Variants in ERMP1 observed in about 807,000 individuals in gnomAD.
ERMP1 encodes Felix-ina.
Under a neutral mutation model 92.0 loss-of-function variants are expected in ERMP1, and 86 were observed. The ratio of observed to expected loss-of-function variants is 0.93; its 90% CI spans 0.79 to 1.12. The LOEUF is 1.12. Ranked by LOEUF, ERMP1 falls within the 50% of genes most tolerant of loss-of-function variation. The pLI, the probability that ERMP1 is intolerant of heterozygous loss-of-function variation, is 0.00. For synonymous variants in ERMP1, 530 were observed against 412.8 expected (o/e 1.28, Z -3.44); for missense variants, 1,342 against 1,116.3 (o/e 1.20, Z -2.88).
chr9:5,860,888 G>A (rs1830465934), intron 5 of ERMP1, among the ~76,000 whole-genome samples: 1 of 152,064 alleles, frequency 6.6e-6, no homozygotes, highest in Non-Finnish European at 1.5e-5. Flanking sequence ...CCCTATAAAA[G>A]GGTCATTTCA....
intron 1 of ERMP1, 62 bp from the exon 2 acceptor site, chr9:5,831,090 C>G: frequency 1.5e-6 from 2 of 1,348,684 alleles, no homozygotes; most frequent in Non-Finnish European, 1.0e-6. Flanking sequence ...GCGTGGGTAA[C>G]TTTTCCACTA....
chr9:5,851,794 C>G (rs1292033356), intron 6 of ERMP1, among the ~76,000 whole-genome samples: 1 of 152,124 alleles, frequency 6.6e-6, no homozygotes, highest in Non-Finnish European at 1.5e-5. Context: ...GATTTTAACA[C>G]ACATAAAAAT....
At chr9:5,848,681 CCT>C (rs748175352) in intron 6 of ERMP1, among the ~76,000 whole-genome samples, 1 of 112,518 alleles carries the variant, frequency 8.9e-6, no homozygotes, top group Non-Finnish European at 1.9e-5. Flanking sequence ...AGTTAAATGA[CCT>C]CTCTCTACCT....
At chr9:5,837,542 A>G (rs1830108584), upstream of ERMP1, among the ~76,000 whole-genome samples, 1 of 152,226 alleles carries the variant, frequency 6.6e-6, no homozygotes, top group African/African-American at 2.4e-5. Flanking sequence ...AAAAACTTCT[A>G]TACATCAAAA....
At position 5,805,733 on chromosome 9, in the gene ERMP1, AC is replaced by A; in HGVS notation, c.1600del (p.Val534SerfsTer24). 6.2e-7 allele frequency: 1 copy of A among 1,612,048 alleles called. No individual in the cohort carries two copies. The highest frequency in any genetic ancestry group is 8.5e-7 in the Non-Finnish European group (1 of 1,179,398). ...GAGGGTAACAAGAAAACAGCAATGG[AC>A]AAACAGCGAAATGTCAAAAAATACT... ...GEVFFDISLF[V>X]HCCFLVTLTY... is the part of the protein sequence containing the mutation. On this transcript the variant is annotated frameshift_variant, in exon 9 of 15. Coordinates refer to ENST00000339450, the MANE Select transcript of ERMP1 (RefSeq NM_024896.3). LOFTEE classifies it high-confidence loss of function.
At chr9:5,836,746 G>A (rs1830099888), upstream of ERMP1, among the ~76,000 whole-genome samples, 1 of 152,182 alleles carries the variant, frequency 6.6e-6, no homozygotes, top group Non-Finnish European at 1.5e-5. Context: ...AGGAACTGGT[G>A]ACAATGGTCA....
intron 1 of ERMP1, 143 bp downstream of exon 1, chr9:5,832,547 A>G (rs1172542273): frequency 1.7e-5 from 10 of 601,576 alleles, no homozygotes; most frequent in Non-Finnish European, 2.4e-5. Flanking sequence ...AAGCAAGGTC[A>G]CCCCACCCCA....
intron 6 of ERMP1, among the ~76,000 whole-genome samples, chr9:5,847,768 G>A (rs1280441163): frequency 3.3e-5 from 5 of 151,680 alleles, no homozygotes; most frequent in Admixed American, 6.6e-5. Flanking sequence ...GGTGGCAGGC[G>A]CCTGTAGTCC....
rs1258054624 is a variant in ERMP1, at chr9:5,787,272, C to T, written c.2587G>A (p.Ala863Thr). Residue 863 changes from alanine (A) to threonine (T), a missense_variant, in exon 15 of 15, where the codon GCC becomes ACC. Transcript: ENST00000339450. ...CCAGACAGATAGTGGGCAGCAATGG[C>T]CACGGTGACCATTCCTTCAGGATGT... ...EEHPEGMVTV[A>T]IAAHYLSGED... 6.2e-7 allele frequency: 1 copy of T among 1,613,704 alleles called. No individual in the cohort carries two copies. The highest frequency in any genetic ancestry group is 8.5e-7 in the Non-Finnish European group (1 of 1,179,876).
intron 6 of ERMP1, among the ~76,000 whole-genome samples, chr9:5,853,808 G>A (rs1389464930): frequency 6.7e-6 from 1 of 149,718 alleles, no homozygotes; most frequent in Non-Finnish European, 1.5e-5. Context: ...AGAATGCCCA[G>A]TAATTTGCAA....
At chr9:5,822,288 T>C (rs1586813116) in intron 4 of ERMP1, among the ~76,000 whole-genome samples, 1 of 152,192 alleles carries the variant, frequency 6.6e-6, no homozygotes, top group South Asian at 2.1e-4. Context: ...TAGATATATC[T>C]CTATAATAAT....
intron 4 of ERMP1, among the ~76,000 whole-genome samples, chr9:5,815,952 T>C (rs145141346): frequency 1.3e-5 from 2 of 152,180 alleles, no homozygotes; most frequent in African/African-American, 2.4e-5. Context: ...CTATTTGATA[T>C]TAAGAAATTT....
chr9:5,840,425 T>C (rs974457420), intron 6 of ERMP1, among the ~76,000 whole-genome samples: 3 of 152,184 alleles, frequency 2.0e-5, no homozygotes, highest in Admixed American at 6.5e-5. Flanking sequence ...AAGAAGGATG[T>C]AGGCCAACTG....
intron 4 of ERMP1, among the ~76,000 whole-genome samples, chr9:5,823,229 A>T (rs753627580): frequency 6.6e-6 from 1 of 152,122 alleles, no homozygotes; most frequent in Non-Finnish European, 1.5e-5. Context: ...AGGCTGCATG[A>T]TGGCACCAGT....
intron 6 of ERMP1, among the ~76,000 whole-genome samples, chr9:5,854,842 T>C (rs546946747): frequency 3.5e-4 from 54 of 152,338 alleles, no homozygotes; most frequent in African/African-American, 1.2e-3. Context: ...TTATTACTTC[T>C]ATACATAAGA....
At chr9:5,863,094 A>T (rs1830551152) in intron 5 of ERMP1, among the ~76,000 whole-genome samples, 1 of 152,232 alleles carries the variant, frequency 6.6e-6, no homozygotes, top group Admixed American at 6.5e-5. Context: ...TCCAATAATT[A>T]CAGCAGCAAG....
chr9:5,805,254 ATCC>A lies in ERMP1; in HGVS notation c.1724-40_1724-38del, dbSNP rs780222561. 3.3e-6 allele frequency: 5 copies of A among 1,502,622 alleles called. No homozygotes were observed. The East Asian group carries it at 1.2e-4, about 35-fold the overall frequency. 93.1% of individuals were successfully genotyped at this position (1,502,622 alleles called of 1,614,324 possible). ...GAGAAAAAAAGCACACATCTATGAA[ATCC>A]TCCAGTGAGATATAAATTTTTATAG... On this transcript the variant is annotated intron_variant, in intron 9 of 14. Transcript: ENST00000339450.
intron 6 of ERMP1, chr9:5,856,293 G>A (rs1363388561): frequency 2.4e-4 from 62 of 255,034 alleles, no homozygotes; most frequent in Non-Finnish European, 8.0e-6. Context: ...TTATTGTTTT[G>A]CCATGTCAGT....
At chr9:5,807,500 C>A (rs773141298) in intron 8 of ERMP1, among the ~76,000 whole-genome samples, 2 of 152,180 alleles carry the variant, frequency 1.3e-5, no homozygotes, top group Non-Finnish European at 2.9e-5. Flanking sequence ...AATCCCAACA[C>A]TTTGGGAGGC....
Sources: gnomAD v4.1 joint callset for allele counts (sites outside exome capture counted in the v4.1 genomes callset) on GRCh38, gnomAD v4.1.1 for gene constraint, MANE v1.5 for transcripts, NCBI Gene and HGNC (gene_info 2026-07-23, HGNC 2026-07-21) for gene names.